PITPNC1: variants seen among roughly 807,000 people sequenced by gnomAD.
PITPNC1 encodes the protein phosphatidylinositol transfer protein cytoplasmic 1, also known as cytoplasmic phosphatidylinositol transfer protein 1.
PITPNC1 carries 18 observed loss-of-function variants against 44.7 expected under a neutral mutation model. The ratio of observed to expected loss-of-function variants is 0.40; its 90% CI spans 0.28 to 0.60. The LOEUF (loss-of-function observed/expected upper bound fraction) is 0.60, where lower values mean the gene tolerates loss of function less well. Ranked by LOEUF, PITPNC1 falls within the 20% of genes least tolerant of loss-of-function variation. PITPNC1 has a pLI of 0.39. For missense variants in PITPNC1, 290 were observed against 418.4 expected (o/e 0.69, Z 2.68); for synonymous variants, 141 against 149.6 (o/e 0.94, Z 0.42).
In PITPNC1 at chr17:67,532,877, G is replaced by C; in HGVS notation, c.124G>C (p.Val42Leu). ...QSDRGEGVEV[V>L]QNEPFEDPHH... ...TGACCGGGGAGAAGGGGTGGAGGTC[G>C]TCCAGAATGAGCCCTTTGAGGACCC... Residue 42 changes from valine (V) to leucine (L), a missense_variant, in exon 2 of 9, where the codon GTC becomes CTC. Physicochemically the swap from Val to Leu is conservative, Grantham distance 32. Transcript: ENST00000581322. The C allele has an allele frequency of 6.2e-7, 1 of 1,605,976 alleles. No individual in the cohort carries two copies. The highest frequency in any genetic ancestry group is 8.5e-7 in the Non-Finnish European group (1 of 1,176,276).
chr17:67,400,890 C>G (rs887538869), intron 1 of PITPNC1, among the ~76,000 whole-genome samples: 1 of 151,758 alleles, frequency 6.6e-6, no homozygotes, highest in African/African-American at 2.4e-5. Flanking sequence ...TTGTTCGTTA[C>G]GCTTTCACCT....
intron 5 of PITPNC1, among the ~76,000 whole-genome samples, chr17:67,631,671 T>TATATAA (rs1272988970): frequency 0.056 from 3,859 of 69,300 alleles, 438 homozygotes; most frequent in East Asian, 0.16. Context: ...TATATATATA[T>TATATAA]AAAATATATA....
At chr17:67,554,156 CAG>C (rs2040803564) in intron 4 of PITPNC1, among the ~76,000 whole-genome samples, 1 of 151,800 alleles carries the variant, frequency 6.6e-6, no homozygotes, top group Admixed American at 6.6e-5. Context: ...GAAAAAAAGA[CAG>C]AACCTATAAT....
intron 1 of PITPNC1, among the ~76,000 whole-genome samples, chr17:67,531,135 C>T (rs2040455534): frequency 6.6e-6 from 1 of 152,002 alleles, no homozygotes; most frequent in South Asian, 2.1e-4. Flanking sequence ...CCCAGCTGCT[C>T]AAGAGGCTGA....
chr17:67,443,452 T>C (rs2143928891), intron 1 of PITPNC1, among the ~76,000 whole-genome samples: 1 of 152,044 alleles, frequency 6.6e-6, no homozygotes, highest in East Asian at 1.9e-4. Flanking sequence ...TCGACTGTGA[T>C]TTATCTGTTT....
chr17:67,396,274 G>A lies in PITPNC1; in HGVS notation c.48+18072G>A, dbSNP rs540831968. Among the ~76,000 whole-genome samples the A allele has an allele frequency of 1.1e-3, 173 of 152,302 alleles. 1 individual carries two copies. The South Asian group carries it at 0.022, about 20-fold the overall frequency. On this transcript the variant is annotated intron_variant, in intron 1 of 8. Coordinates refer to ENST00000581322, the MANE Select transcript of PITPNC1 (RefSeq NM_012417.4). ...AAATTTAAAATTAGCCATTATTTACGTAGGTGCTCAGCCTTTTGACCATGT... is the reference window on the plus strand; with the variant it reads ...AAATTTAAAATTAGCCATTATTTACATAGGTGCTCAGCCTTTTGACCATGT...
chr17:67,514,606 C>A (rs1220357232), intron 1 of PITPNC1, among the ~76,000 whole-genome samples: 6 of 150,546 alleles, frequency 4.0e-5, no homozygotes, highest in African/African-American at 1.5e-4. Flanking sequence ...AGACAGATCA[C>A]CCGAGGTCCG....
intron 1 of PITPNC1, among the ~76,000 whole-genome samples, chr17:67,433,265 C>CA (rs201659510): frequency 0.011 from 1,608 of 152,300 alleles, 33 homozygotes; most frequent in African/African-American, 0.034. Context: ...AGAAAGGAGG[C>CA]AAAGCTACAG....
intron 1 of PITPNC1, among the ~76,000 whole-genome samples, chr17:67,434,391 T>C (rs1417410927): frequency 2.0e-5 from 3 of 152,200 alleles, no homozygotes; most frequent in Non-Finnish European, 4.4e-5. Context: ...AGAGGAAGCC[T>C]CCCACCCGCC....
At chr17:67,668,495 G>A (rs940248593) in intron 6 of PITPNC1, among the ~76,000 whole-genome samples, 1 of 152,136 alleles carries the variant, frequency 6.6e-6, no homozygotes, top group East Asian at 1.9e-4. Context: ...GGCCAAGAAG[G>A]GAGGATCACT....
chr17:67,412,047 T>A (rs367603568), intron 1 of PITPNC1, among the ~76,000 whole-genome samples: 1 of 152,188 alleles, frequency 6.6e-6, no homozygotes, highest in African/African-American at 2.4e-5. Flanking sequence ...CTTACTATCT[T>A]TCTTTTATGA....
chr17:67,446,458 G>T (rs2039096671), intron 1 of PITPNC1, among the ~76,000 whole-genome samples: 1 of 149,842 alleles, frequency 6.7e-6, no homozygotes, highest in African/African-American at 2.4e-5. Flanking sequence ...GCTTCACCAG[G>T]ATAACCCACA....
intron 5 of PITPNC1, among the ~76,000 whole-genome samples, chr17:67,622,101 C>A (rs1416917303): frequency 6.6e-6 from 1 of 151,940 alleles, no homozygotes; most frequent in East Asian, 1.9e-4. Context: ...ACTAAAAATA[C>A]AAAAAATTAG....
intron 6 of PITPNC1, among the ~76,000 whole-genome samples, chr17:67,653,045 G>A (rs1386066025): frequency 6.6e-6 from 1 of 152,196 alleles, no homozygotes; most frequent in African/African-American, 2.4e-5. Flanking sequence ...ACTTTGGGAG[G>A]TCAACGCAGG....
At chr17:67,623,974 A>G (rs2041864497) in intron 5 of PITPNC1, among the ~76,000 whole-genome samples, 2 of 152,224 alleles carry the variant, frequency 1.3e-5, no homozygotes, top group Non-Finnish European at 1.5e-5. Flanking sequence ...CTAGGCTGAT[A>G]AGACACATTC....
chr17:67,591,143 C>CA (rs925402128), intron 5 of PITPNC1, among the ~76,000 whole-genome samples: 1 of 152,018 alleles, frequency 6.6e-6, no homozygotes, highest in Non-Finnish European at 1.5e-5. Context: ...AACAAACAAA[C>CA]AAAAAACCCA....
chr17:67,572,710 G>A (rs1308750849), intron 4 of PITPNC1, among the ~76,000 whole-genome samples: 3 of 150,290 alleles, frequency 2.0e-5, no homozygotes, highest in African/African-American at 4.9e-5. Context: ...TGGTCTTTGA[G>A]TAAGATTTAG....
At chr17:67,630,695 A>C (rs1206291102) in intron 5 of PITPNC1, among the ~76,000 whole-genome samples, 1 of 152,032 alleles carries the variant, frequency 6.6e-6, no homozygotes, top group Non-Finnish European at 1.5e-5. Flanking sequence ...AGAAGAACTT[A>C]ATTTTTCCAC....
rs35849301 is a variant in PITPNC1 at position 67,684,113 on chromosome 17, AT to A, written c.683-8443del. On this transcript the variant is annotated intron_variant, in intron 8 of 8. Coordinates refer to ENST00000581322, the MANE Select transcript of PITPNC1 (RefSeq NM_012417.4). ...ATCTCATAATGATCCAAAATAACAA[AT>A]TTTTTTTTTTTTTTTGAGACAGAGT... Among the ~76,000 whole-genome samples the A allele has an allele frequency of 7.6e-3, 1,029 of 135,870 alleles. 22 individuals are homozygous for A. Among genetic ancestry groups the A allele is most frequent in the East Asian group, 0.066 (305 of 4,624 alleles). The allele number at this position is 135,870 out of a possible 152,430, so 89.1% of individuals were successfully genotyped here.
Sources: allele counts gnomAD v4.1 joint callset (sites outside exome capture counted in the v4.1 genomes callset), GRCh38; gene constraint gnomAD v4.1.1; transcripts MANE v1.5; gene names NCBI Gene and HGNC (gene_info 2026-07-23, HGNC 2026-07-21).